Variants in DOK5 observed in about 807,000 individuals in gnomAD.
DOK5 encodes the protein docking protein 5.
A neutral mutation model predicts 43.3 loss-of-function variants in DOK5; 27 were observed. The observed-to-expected ratio is 0.62, with a 90% confidence interval of 0.46 to 0.86. The LOEUF (loss-of-function observed/expected upper bound fraction) is 0.86, where lower values mean the gene tolerates loss of function less well. DOK5 is among the 40% of genes least tolerant of loss of function. The pLI, the probability that DOK5 is intolerant of heterozygous loss-of-function variation, is 0.00. For synonymous variants in DOK5, 146 were observed against 140.1 expected (o/e 1.04, Z -0.30); for missense variants, 373 against 392.9 (o/e 0.95, Z 0.43).
chr20:54,588,534 A>G lies in DOK5; in HGVS notation c.226A>G (p.Lys76Glu), dbSNP rs1568797991. The change falls in exon 3 of 8, where the codon AAG becomes GAG. Residue 76 changes from lysine to glutamate, a missense_variant. Transcript: ENST00000262593. ...KNVARLPKST[K>E]KHAIGIYFND... ...CGTAGCTCGATTGCCAAAAAGCACC[A>G]AGAAACATGCCATAGGGATTTATTT... The G allele has an allele frequency of 1.9e-6, 3 of 1,614,180 alleles. No individual in the cohort carries two copies. The highest frequency in any genetic ancestry group is 2.5e-6 in the Non-Finnish European group (3 of 1,180,010).
In DOK5 at chr20:54,604,157, A is replaced by G. The variant is rs561624128; in HGVS notation, c.600-6231A>G. On this transcript the variant is annotated intron_variant, in intron 5 of 7. Coordinates refer to ENST00000262593, the MANE Select transcript of DOK5 (RefSeq NM_018431.5). ...GAGACGGGGTTTCACCGTGTTAGCC[A>G]GGATGGTCTCGATCTCCTGACCTAG... Among the ~76,000 whole-genome samples the G allele has an allele frequency of 5.3e-5, 8 of 152,006 alleles. No homozygotes were observed. In the South Asian group the frequency reaches 1.7e-3, roughly 32 times the overall value.
intron 6 of DOK5, among the ~76,000 whole-genome samples, chr20:54,613,569 A>C (rs1380265100): frequency 6.6e-6 from 1 of 151,266 alleles, no homozygotes; most frequent in Non-Finnish European, 1.5e-5. Context: ...AGAAAATAGA[A>C]TTATATTGAA....
chr20:54,594,849 A>T (rs1986087813), intron 5 of DOK5, among the ~76,000 whole-genome samples: 1 of 152,190 alleles, frequency 6.6e-6, no homozygotes. Context: ...CACTGTACAT[A>T]TCCTGCAAAC....
At chr20:54,478,390 A>G (rs569948173) in intron 1 of DOK5, among the ~76,000 whole-genome samples, 1 of 152,330 alleles carries the variant, frequency 6.6e-6, no homozygotes, top group East Asian at 1.9e-4. Context: ...TGCGACATGT[A>G]TCTTCTAGGA....
intron 7 of DOK5, among the ~76,000 whole-genome samples, chr20:54,645,819 C>T (rs78282745): frequency 0.046 from 7,019 of 151,242 alleles, 246 homozygotes; most frequent in African/African-American, 0.096. Context: ...CAGGATTTGT[C>T]GAAAGAATGC....
At chr20:54,541,758 C>T (rs1373585377) in intron 1 of DOK5, among the ~76,000 whole-genome samples, 1 of 152,052 alleles carries the variant, frequency 6.6e-6, no homozygotes, top group African/African-American at 2.4e-5. Flanking sequence ...TTTAGTGAAA[C>T]CCATAAGGTC....
intron 1 of DOK5, among the ~76,000 whole-genome samples, chr20:54,488,498 C>T (rs1225707898): frequency 6.6e-6 from 1 of 152,030 alleles, no homozygotes; most frequent in Non-Finnish European, 1.5e-5. Flanking sequence ...TTATTTTGTG[C>T]CATTTATTTC....
chr20:54,521,046 C>T (rs901082343), intron 1 of DOK5, among the ~76,000 whole-genome samples: 4 of 151,960 alleles, frequency 2.6e-5, no homozygotes, highest in Non-Finnish European at 4.4e-5. Context: ...TCGGCTTGCT[C>T]CCTTACATCA....
intron 6 of DOK5, among the ~76,000 whole-genome samples, chr20:54,626,486 AAC>A (rs61549974): frequency 0.061 from 9,216 of 152,296 alleles, 296 homozygotes; most frequent in Middle Eastern, 0.12. Flanking sequence ...AAATTTAACT[AAC>A]TGCAAAATTA....
intron 1 of DOK5, among the ~76,000 whole-genome samples, chr20:54,496,622 T>C (rs911867191): frequency 1.3e-4 from 20 of 151,664 alleles, no homozygotes; most frequent in Admixed American, 3.9e-4. Flanking sequence ...AAAAATTAGC[T>C]GGGCGTGGTG....
At chr20:54,509,180 T>A (rs1982925987) in intron 1 of DOK5, among the ~76,000 whole-genome samples, 2 of 151,988 alleles carry the variant, frequency 1.3e-5, no homozygotes, top group African/African-American at 4.8e-5. Context: ...CCGGCCTAAT[T>A]TTTAATTTTA....
At chr20:54,578,069 A>G (rs1985510982) in intron 2 of DOK5, among the ~76,000 whole-genome samples, 1 of 152,184 alleles carries the variant, frequency 6.6e-6, no homozygotes, top group Admixed American at 6.5e-5. Context: ...CATTTTTGCC[A>G]AACTTTATCT....
intron 6 of DOK5, among the ~76,000 whole-genome samples, chr20:54,624,509 G>A (rs1987078757): frequency 6.6e-6 from 1 of 152,188 alleles, no homozygotes; most frequent in African/African-American, 2.4e-5. Flanking sequence ...TATTGTGTGA[G>A]CCAAGAGAAA....
chr20:54,595,323 C>G (rs1000487935), intron 5 of DOK5, among the ~76,000 whole-genome samples: 2 of 151,874 alleles, frequency 1.3e-5, no homozygotes, highest in Middle Eastern at 3.4e-3. Context: ...CTGGGTGACA[C>G]AGCGAGACTC....
At chr20:54,648,173 TC>T (rs1979526867) in intron 7 of DOK5, among the ~76,000 whole-genome samples, 1 of 152,198 alleles carries the variant, frequency 6.6e-6, no homozygotes, top group Non-Finnish European at 1.5e-5. Context: ...AAGGTTTTTC[TC>T]TCTCATTCTT....
At chr20:54,482,059 A>G (rs186861356) in intron 1 of DOK5, among the ~76,000 whole-genome samples, 1 of 152,356 alleles carries the variant, frequency 6.6e-6, no homozygotes, top group East Asian at 1.9e-4. Context: ...AGGAAAACAA[A>G]CTTAGTACAA....
At chr20:54,557,290 G>A (rs1984738264) in intron 2 of DOK5, among the ~76,000 whole-genome samples, 1 of 152,198 alleles carries the variant, frequency 6.6e-6, no homozygotes, top group Non-Finnish European at 1.5e-5. Flanking sequence ...TTGGGGGCAG[G>A]ATTGGTTTCG....
At chr20:54,646,612 TCA>T (rs1243251671) in intron 7 of DOK5, among the ~76,000 whole-genome samples, 1 of 152,186 alleles carries the variant, frequency 6.6e-6, no homozygotes, top group Non-Finnish European at 1.5e-5. Flanking sequence ...TAAAAGATGT[TCA>T]CAGAGTACCT....
intron 1 of DOK5, among the ~76,000 whole-genome samples, chr20:54,509,774 G>C (rs932984047): frequency 6.6e-6 from 1 of 152,112 alleles, no homozygotes; most frequent in Non-Finnish European, 1.5e-5. Flanking sequence ...TAATCACAGA[G>C]AGAAATTTCA....
Sources: allele counts gnomAD v4.1 joint callset (sites outside exome capture counted in the v4.1 genomes callset), GRCh38; gene constraint gnomAD v4.1.1; transcripts MANE v1.5; gene names NCBI Gene and HGNC (gene_info 2026-07-23, HGNC 2026-07-21).